Variants in ERP44 observed in about 807,000 individuals in gnomAD.
The protein encoded by ERP44 is endoplasmic reticulum resident protein 44.
Under a neutral mutation model 53.4 loss-of-function variants are expected in ERP44, and 25 were observed. The ratio of observed to expected loss-of-function variants is 0.47; its 90% CI spans 0.34 to 0.65. The LOEUF (loss-of-function observed/expected upper bound fraction) is 0.65, where lower values mean the gene tolerates loss of function less well. Ranked by LOEUF, ERP44 falls within the 30% of genes least tolerant of loss-of-function variation. ERP44 has a pLI of 0.01. For synonymous variants in ERP44, 145 were observed against 161.2 expected (o/e 0.90, Z 0.76); for missense variants, 338 against 493.2 (o/e 0.69, Z 2.98).
intron 1 of ERP44, among the ~76,000 whole-genome samples, chr9:100,090,076 C>T (rs1291377426): frequency 6.6e-6 from 1 of 152,132 alleles, no homozygotes; most frequent in Non-Finnish European, 1.5e-5. Context: ...ATATCCACTC[C>T]TACAGTAAAA....
At chr9:100,080,883 T>C (rs1826414849) in intron 1 of ERP44, among the ~76,000 whole-genome samples, 1 of 152,156 alleles carries the variant, frequency 6.6e-6, no homozygotes, top group South Asian at 2.1e-4. Flanking sequence ...CCTGCCAGTA[T>C]GTAGAATGAC....
chr9:100,086,318 T>C (rs553743580), intron 1 of ERP44, among the ~76,000 whole-genome samples: 1 of 152,212 alleles, frequency 6.6e-6, no homozygotes, highest in African/African-American at 2.4e-5. Flanking sequence ...ATGTCATAAC[T>C]TACCAAAGGA....
At chr9:100,009,011 G>A (rs1204695958) in intron 8 of ERP44, among the ~76,000 whole-genome samples, 1 of 152,164 alleles carries the variant, frequency 6.6e-6, no homozygotes, top group Non-Finnish European at 1.5e-5. Flanking sequence ...CCAAAGTGCT[G>A]GAATTACAGG....
chr9:100,086,977 G>A (rs754074201), intron 1 of ERP44, among the ~76,000 whole-genome samples: 2 of 146,466 alleles, frequency 1.4e-5, no homozygotes, highest in Admixed American at 6.8e-5. Context: ...AACTCTGAAC[G>A]TGAAGTAGGA....
chr9:100,023,525 C>T (rs954853346), intron 4 of ERP44, among the ~76,000 whole-genome samples: 2 of 150,782 alleles, frequency 1.3e-5, no homozygotes, highest in Admixed American at 6.6e-5. Context: ...ACTTCCTAGA[C>T]GTAAGCAATT....
At chr9:100,047,470 G>C (rs981960751) in intron 4 of ERP44, among the ~76,000 whole-genome samples, 8 of 152,100 alleles carry the variant, frequency 5.3e-5, no homozygotes, top group African/African-American at 1.9e-4. Flanking sequence ...GGAAAGAACA[G>C]GCTCTTCAAT....
intron 1 of ERP44, among the ~76,000 whole-genome samples, chr9:100,075,873 G>A (rs1826349642): frequency 6.6e-6 from 1 of 152,190 alleles, no homozygotes; most frequent in Non-Finnish European, 1.5e-5. Context: ...AAGAACAGAA[G>A]ACGGCTCTGC....
intron 10 of ERP44, among the ~76,000 whole-genome samples, chr9:99,996,994 T>TAC (rs1491367748): frequency 2.4e-5 from 1 of 41,146 alleles, no homozygotes; most frequent in Non-Finnish European, 6.2e-5. Flanking sequence ...TATGTGTGTG[T>TAC]ATATATATAT....
intron 1 of ERP44, among the ~76,000 whole-genome samples, chr9:100,077,290 T>C (rs1826368357): frequency 6.6e-6 from 1 of 152,188 alleles, no homozygotes; most frequent in Non-Finnish European, 1.5e-5. Context: ...AGTGTGGCAG[T>C]GGACTCATGC....
At chr9:100,019,579 A>G (rs529271988) in intron 6 of ERP44, among the ~76,000 whole-genome samples, 9 of 152,206 alleles carry the variant, frequency 5.9e-5, no homozygotes, top group African/African-American at 2.2e-4. Flanking sequence ...ACTGCATGGA[A>G]GTCAAAGGAT....
intron 1 of ERP44, among the ~76,000 whole-genome samples, chr9:100,077,410 A>C (rs1564104457): frequency 6.6e-6 from 1 of 152,212 alleles, no homozygotes; most frequent in South Asian, 2.1e-4. Context: ...ACTAGGTGAC[A>C]ATACTTTGCA....
chr9:100,005,519 T>A (rs1200027443), intron 10 of ERP44, among the ~76,000 whole-genome samples: 1 of 152,256 alleles, frequency 6.6e-6, no homozygotes, highest in Non-Finnish European at 1.5e-5. Flanking sequence ...CTCACTACTT[T>A]ATGGTTTATA....
chr9:100,004,697 A>C (rs184636629), intron 10 of ERP44, among the ~76,000 whole-genome samples: 2 of 152,236 alleles, frequency 1.3e-5, no homozygotes. Context: ...TGTCCTTTTT[A>C]GCCTCTTCAA....
At chr9:100,042,289 G>C (rs1462883725) in intron 4 of ERP44, among the ~76,000 whole-genome samples, 1 of 152,052 alleles carries the variant, frequency 6.6e-6, no homozygotes, top group Non-Finnish European at 1.5e-5. Context: ...ATACAAATGG[G>C]AAACAGGTAT....
chr9:100,093,057 T>C (rs898411701), intron 1 of ERP44, among the ~76,000 whole-genome samples: 2 of 152,258 alleles, frequency 1.3e-5, no homozygotes, highest in Non-Finnish European at 2.9e-5. Context: ...ATACCTTTTG[T>C]ACATTTTTTA....
chr9:100,014,762 T>C (rs933418313), intron 8 of ERP44, among the ~76,000 whole-genome samples: 11 of 152,244 alleles, frequency 7.2e-5, no homozygotes, highest in Middle Eastern at 3.2e-3. Flanking sequence ...ACAGAGATTA[T>C]ATGAACTGCA....
intron 5 of ERP44, 48 bp from the exon 6 acceptor site, chr9:100,020,779 A>C: frequency 1.1e-6 from 1 of 945,454 alleles, no homozygotes; most frequent in Non-Finnish European, 1.7e-6. Context: ...ATAGTTTTAT[A>C]AACATGTTAT....
rs1042534446 is a variant in ERP44, at chr9:100,053,094, C to T, written c.171-562G>A. ...TTTTAACTGTATTGCAAATATTAGA[C>T]CTCTCCACCTGGCTAGTTCTATCAA... On this transcript the variant is annotated intron_variant, in intron 3 of 11. Transcript: ENST00000262455. Among the ~76,000 whole-genome samples the T allele has an allele frequency of 4.6e-5, 7 of 152,118 alleles. No homozygotes were observed. The East Asian group carries it at 1.4e-3, about 29-fold the overall frequency.
At chr9:100,054,945 A>G (rs1826073868) in intron 3 of ERP44, among the ~76,000 whole-genome samples, 1 of 152,282 alleles carries the variant, frequency 6.6e-6, no homozygotes, top group Middle Eastern at 3.4e-3. Flanking sequence ...GCTTAAATCA[A>G]TCCTTAACAA....
Sources: allele counts gnomAD v4.1 joint callset (sites outside exome capture counted in the v4.1 genomes callset), GRCh38; gene constraint gnomAD v4.1.1; transcripts MANE v1.5; gene names NCBI Gene and HGNC (gene_info 2026-07-23, HGNC 2026-07-21).